Variants in WDR20 observed in about 807,000 individuals in gnomAD.
WDR20 encodes WD repeat-containing protein 20.
Under a neutral mutation model 38.7 loss-of-function variants are expected in WDR20, and 3 were observed. That is an observed-to-expected ratio of 0.08 (90% CI 0.04 to 0.20). WDR20 has a LOEUF of 0.20. Among genes scored for constraint, WDR20 ranks in the 10% least tolerant of loss-of-function variants. WDR20 has a pLI of 1.00. For missense variants in WDR20, 559 were observed against 727.7 expected (o/e 0.77, Z 2.67); for synonymous variants, 298 against 285.6 (o/e 1.04, Z -0.44).
intron 1 of WDR20, among the ~76,000 whole-genome samples, chr14:102,193,161 C>T (rs1250107901): frequency 6.8e-6 from 1 of 146,192 alleles, no homozygotes; most frequent in Non-Finnish European, 1.5e-5. Flanking sequence ...CTGTCTTCCT[C>T]GTTCTGAGAT....
Position 102,151,962 on chromosome 14 carries a change from C to T in WDR20, c.249+11790C>T, listed in dbSNP as rs187533502. Among the ~76,000 whole-genome samples, 349 of 152,208 alleles carry T rather than the reference C, an allele frequency of 2.3e-3. 2 individuals are homozygous for T. Among genetic ancestry groups the T allele is most frequent in the East Asian group, 1.2e-3 (6 of 5,178 alleles). ...ACACAGGGTCGGTCTCGCTCTGTTGCCCAGGCTGGAGTGCACTGGCACGAT... is the reference window on the plus strand; with the variant it reads ...ACACAGGGTCGGTCTCGCTCTGTTGTCCAGGCTGGAGTGCACTGGCACGAT... On this transcript the variant is annotated intron_variant, in intron 1 of 2. Transcript: ENST00000342702.
At chr14:102,156,162 C>T (rs1172434542) in intron 1 of WDR20, among the ~76,000 whole-genome samples, 6 of 151,296 alleles carry the variant, frequency 4.0e-5, no homozygotes, top group Admixed American at 4.0e-4. Flanking sequence ...TTTGAAATTA[C>T]CATTAGATCT....
At position 102,193,588 on chromosome 14, in the gene WDR20, C is replaced by T. The variant is rs534008368; in HGVS notation, c.250-1350C>T. On this transcript the variant is annotated intron_variant, in intron 1 of 2. Transcript: ENST00000342702. ...CTGGGGCTCCCAGAACTACTTGTTA[C>T]CGCTCAGGTCCAGACTTCTACATGT... 4 of 1,455,458 alleles carry T rather than the reference C, an allele frequency of 2.7e-6. No homozygotes were observed. The East Asian group carries it at 7.0e-5, about 26-fold the overall frequency. 90.2% of individuals were successfully genotyped at this position (1,455,458 alleles called of 1,614,324 possible).
intron 1 of WDR20, among the ~76,000 whole-genome samples, chr14:102,149,899 G>A (rs1046275273): frequency 2.6e-5 from 4 of 152,020 alleles, no homozygotes; most frequent in Non-Finnish European, 4.4e-5. Flanking sequence ...TCACTGTATT[G>A]GCCAGGCTGG....
At chr14:102,200,467 T>TTTTTTTTTTGTGTGTG (rs748066838) in intron 2 of WDR20, among the ~76,000 whole-genome samples, 3 of 117,774 alleles carry the variant, frequency 2.5e-5, no homozygotes, top group Admixed American at 8.7e-5. Context: ...ATTTTTTTTT[T>TTTTTTTTTTGTGTGTG]TGTGTGTGTG....
At chr14:102,213,204 C>G (rs143004816), downstream of WDR20, 38 of 985,450 alleles carry the variant, frequency 3.9e-5, no homozygotes, top group Middle Eastern at 3.7e-3. Context: ...GGCCCTGGAG[C>G]CTTTCTCTGA....
chr14:102,195,987 GA>G (rs1385683034), intron 2 of WDR20: 8 of 152,322 alleles, frequency 5.3e-5, no homozygotes, highest in Admixed American at 5.2e-4. Context: ...GGCTATGTGG[GA>G]CCCCCTCCCT....
chr14:102,221,373 C>T lies in WDR20; in HGVS notation c.1693-1457C>T, dbSNP rs1021045514. 1.3e-5 allele frequency among the ~76,000 whole-genome samples: 2 copies of T among 152,170 alleles called. No individual in the cohort carries two copies. The highest frequency in any genetic ancestry group is 2.1e-4 in the South Asian group (1 of 4,834). ...TTGTGGAAAGCACTTTCTTAGGGTGCGCGTGGTGATGAAGGCAGAGTGTCC... is the reference window on the plus strand; with the variant it reads ...TTGTGGAAAGCACTTTCTTAGGGTGTGCGTGGTGATGAAGGCAGAGTGTCC... On this transcript the variant is annotated intron_variant, in intron 3 of 3. Coordinates refer to the WDR20 transcript ENST00000335263. This position sits in a 1 kb window ranked among gnomAD's most constrained non-coding sequence, Gnocchi z 4.8.
chr14:102,188,313 G>T (rs1390385796), intron 1 of WDR20, among the ~76,000 whole-genome samples: 2 of 152,162 alleles, frequency 1.3e-5, no homozygotes, highest in African/African-American at 4.8e-5. Flanking sequence ...AAGTTGGTGG[G>T]AACCAGGCTG....
At chr14:102,155,174 A>G (rs2057072597) in intron 1 of WDR20, among the ~76,000 whole-genome samples, 2 of 152,136 alleles carry the variant, frequency 1.3e-5, no homozygotes, top group Non-Finnish European at 2.9e-5. Flanking sequence ...ATTTTTTGTA[A>G]ATAGAGATGA....
At chr14:102,173,889 A>G (rs1423842025) in intron 1 of WDR20, among the ~76,000 whole-genome samples, 1 of 151,966 alleles carries the variant, frequency 6.6e-6, no homozygotes, top group Non-Finnish European at 1.5e-5. Context: ...CTAAAAATTC[A>G]AAAAATTAGC....
rs1007864821 is a variant in WDR20 at position 102,199,226 on chromosome 14, C to A, written c.432+4106C>A. On this transcript the variant is annotated intron_variant, in intron 2 of 2. Transcript: ENST00000342702. Reference sequence around the variant, plus strand: ...TTGCAGGATGATGTGGGTCTTACCTCTCCTCGGTTGGAAAATGGGTGGGAA... The same window carrying A: ...TTGCAGGATGATGTGGGTCTTACCTATCCTCGGTTGGAAAATGGGTGGGAA... Among the ~76,000 whole-genome samples, 3 of 151,662 alleles carry A rather than the reference C, an allele frequency of 2.0e-5. No individual in the cohort carries two copies. The South Asian group carries it at 6.3e-4, about 32-fold the overall frequency.
chr14:102,214,465 G>C (rs2062963146), downstream of WDR20: 1 of 985,302 alleles, frequency 1.0e-6, no homozygotes, highest in Non-Finnish European at 1.2e-6. Context: ...ATAAGAACGT[G>C]CCCCTCCAGT....
intron 2 of WDR20, among the ~76,000 whole-genome samples, chr14:102,199,360 G>C (rs556156317): frequency 6.6e-6 from 1 of 152,186 alleles, no homozygotes; most frequent in East Asian, 1.9e-4. Context: ...CAACGTGGAG[G>C]TTGAGAGAAA....
At position 102,161,137 on chromosome 14, in the gene WDR20, TATA is replaced by T. The variant is rs1293501257; in HGVS notation, c.249+20966_249+20968del. ...GCATAACTGCATATATATATATATATATATATTTTTTTTTTTTTTTTTTTTTTT... is the reference window on the plus strand; with the variant it reads ...GCATAACTGCATATATATATATATATTATTTTTTTTTTTTTTTTTTTTTTT... On this transcript the variant is annotated intron_variant, in intron 1 of 2. Coordinates refer to ENST00000342702, the MANE Select transcript of WDR20 (RefSeq NM_144574.4). Among the ~76,000 whole-genome samples the T allele has an allele frequency of 1.3e-3, 19 of 14,258 alleles. 1 individual carries two copies. Among genetic ancestry groups the T allele is most frequent in the East Asian group, 4.0e-3 (1 of 252 alleles). 9.4% of individuals were successfully genotyped at this position (14,258 alleles called of 152,430 possible).
At chr14:102,139,737 C>T, upstream of WDR20, 1 of 876,266 alleles carries the variant, frequency 1.1e-6, no homozygotes, top group Non-Finnish European at 1.7e-6. Context: ...CAGGTGAGCA[C>T]GCCTGCGCAG....
chr14:102,145,742 G>GC (rs2053369526), intron 1 of WDR20, among the ~76,000 whole-genome samples: 1 of 151,668 alleles, frequency 6.6e-6, no homozygotes, highest in Non-Finnish European at 1.5e-5. Flanking sequence ...CTGCACTCCA[G>GC]CCCGGGCAAG....
chr14:102,221,374 G>A lies in WDR20; in HGVS notation c.1693-1456G>A, dbSNP rs966888408. ...TGTGGAAAGCACTTTCTTAGGGTGC[G>A]CGTGGTGATGAAGGCAGAGTGTCCT... On this transcript the variant is annotated intron_variant, in intron 3 of 3. Coordinates refer to the WDR20 transcript ENST00000335263. This position sits in a 1 kb window ranked among gnomAD's most constrained non-coding sequence, Gnocchi z 4.8. Among the ~76,000 whole-genome samples the A allele has an allele frequency of 6.6e-6, 1 of 152,238 alleles. No individual in the cohort carries two copies. The highest frequency in any genetic ancestry group is 2.4e-5 in the African/African-American group (1 of 41,450).
At chr14:102,152,315 A>C (rs2056177484) in intron 1 of WDR20, among the ~76,000 whole-genome samples, 1 of 152,186 alleles carries the variant, frequency 6.6e-6, no homozygotes, top group African/African-American at 2.4e-5. Context: ...AGATCACATA[A>C]TAATAGTAAT....
Sources: allele counts gnomAD v4.1 joint callset (sites outside exome capture counted in the v4.1 genomes callset), GRCh38; gene constraint gnomAD v4.1.1; non-coding constraint Gnocchi (gnomAD v3.1); transcripts MANE v1.5; gene names NCBI Gene and HGNC (gene_info 2026-07-23, HGNC 2026-07-21).